The following PKHD1 variants were observed in gnomAD, a reference collection of about 807,000 sequenced individuals.
PKHD1 encodes PKHD1 ciliary IPT domain containing fibrocystin/polyductin, also known as fibrocystin.
PKHD1 carries 291 observed loss-of-function variants against 412.0 expected under a neutral mutation model. That is an observed-to-expected ratio of 0.71 (90% CI 0.64 to 0.78). PKHD1 has a LOEUF of 0.78. Among genes scored for constraint, PKHD1 ranks in the 30% least tolerant of loss-of-function variants. The pLI is 0.00. For synonymous variants in PKHD1, 1,777 were observed against 1,821.5 expected (o/e 0.98, Z 0.62); for missense variants, 4,825 against 4,950.7 (o/e 0.97, Z 0.76).
At position 51,755,943 on chromosome 6, in the gene PKHD1, CTGT is replaced by C. The variant is rs1202722442; in HGVS notation, c.8643-1008_8643-1006del. On this transcript the variant is annotated intron_variant, in intron 55 of 66. Coordinates refer to ENST00000371117, the MANE Select transcript of PKHD1 (RefSeq NM_138694.4). Reference sequence around the variant, plus strand: ...CTAGCACATATCTTTAAAGAGTCTACTGTATGGGTGTGTATTACACAGTATTCT... The same window carrying C: ...CTAGCACATATCTTTAAAGAGTCTACATGGGTGTGTATTACACAGTATTCT... 2.5e-3 allele frequency among the ~76,000 whole-genome samples: 375 copies of C among 152,140 alleles called. 1 individual carries two copies. Among genetic ancestry groups the C allele is most frequent in the African/African-American group, 8.6e-3 (356 of 41,512 alleles).
In PKHD1 at chr6:52,063,419, G is replaced by A. The variant is rs558924868; in HGVS notation, c.977-759C>T. The stretch of plus-strand genomic sequence containing the variant: ...TAGCAATAATACACTAGGACCAAGG[G>A]AAAATATATACTCAAAGAGCCTGGA... On this transcript the variant is annotated intron_variant, in intron 13 of 66. Coordinates refer to ENST00000371117, the MANE Select transcript of PKHD1 (RefSeq NM_138694.4). Among the ~76,000 whole-genome samples, 4 of 152,172 alleles carry A rather than the reference G, an allele frequency of 2.6e-5. 1 individual carries two copies. Among genetic ancestry groups the A allele is most frequent in the South Asian group, 4.2e-4 (2 of 4,806 alleles).
At position 51,748,513 on chromosome 6, in the gene PKHD1, C is replaced by T; in HGVS notation, c.9103G>A (p.Gly3035Arg). 2 of 1,613,870 alleles carry T rather than the reference C, an allele frequency of 1.2e-6. No homozygotes were observed. The highest frequency in any genetic ancestry group is 2.2e-5 in the South Asian group (2 of 91,074). The change falls in exon 58 of 67, where the codon GGA becomes AGA. Residue 3035 changes from glycine to arginine, a missense_variant. Coordinates refer to ENST00000371117, the MANE Select transcript of PKHD1 (RefSeq NM_138694.4). ...ACAATATTGTCATTTAAAAGTACTCCATGACTGGCAGCTGCATGAATGCCC... is the reference window on the plus strand; with the variant it reads ...ACAATATTGTCATTTAAAAGTACTCTATGACTGGCAGCTGCATGAATGCCC... The part of the protein sequence containing the change: ...GGGIHAAASH[G>R]VLLNDNIVFG...
At chr6:51,730,299 T>C (rs1783084776) in intron 60 of PKHD1, among the ~76,000 whole-genome samples, 1 of 152,176 alleles carries the variant, frequency 6.6e-6, no homozygotes, top group Admixed American at 6.5e-5. Flanking sequence ...CCTGTAACTC[T>C]AAATAACGTC....
At chr6:51,848,421 A>C (rs544563471) in intron 49 of PKHD1, among the ~76,000 whole-genome samples, 3 of 152,308 alleles carry the variant, frequency 2.0e-5, no homozygotes, top group Non-Finnish European at 4.4e-5. Flanking sequence ...AGCATTTACT[A>C]TGCAATCAGC....
At chr6:51,798,641 C>T (rs148208897) in intron 52 of PKHD1, among the ~76,000 whole-genome samples, 4 of 152,152 alleles carry the variant, frequency 2.6e-5, no homozygotes, top group South Asian at 2.1e-4. Flanking sequence ...TGGGGTTCTC[C>T]GCATTTCCTG....
Position 51,615,455 on chromosome 6 carries a change from C to A in PKHD1, c.*3626G>T, listed in dbSNP as rs772669515. On this transcript the variant is annotated 3_prime_UTR_variant, in exon 67 of 67. Coordinates refer to ENST00000371117, the MANE Select transcript of PKHD1 (RefSeq NM_138694.4). ...AAAGTGCTATAGTGTATGTTGAAAT[C>A]AACAGTTCTATACTCAATAGTATTT... is the stretch of plus-strand genomic sequence containing the variant. The A allele has an allele frequency of 2.0e-5, 3 of 152,086 alleles. No homozygotes were observed. Among genetic ancestry groups the A allele is most frequent in the Non-Finnish European group, 4.4e-5 (3 of 68,008 alleles). The allele number at this position is 152,086 out of a possible 1,614,324, so 9.4% of individuals were successfully genotyped here. A position where few individuals can be genotyped will look rare whatever the true frequency, so the allele number is the denominator to read the frequency against.
intron 50 of PKHD1, among the ~76,000 whole-genome samples, chr6:51,836,815 T>C (rs1313942270): frequency 6.6e-6 from 1 of 152,220 alleles, no homozygotes; most frequent in African/African-American, 2.4e-5. Context: ...CATCATTTTG[T>C]AGGCTCAGCT....
chr6:51,777,585 C>T (rs12192785), intron 53 of PKHD1, among the ~76,000 whole-genome samples: 1 of 146,578 alleles, frequency 6.8e-6, no homozygotes, highest in African/African-American at 2.5e-5. Context: ...ATGTGTATGG[C>T]GTAGCTGTTA....
chr6:51,818,499 C>T (rs904761259), intron 52 of PKHD1, among the ~76,000 whole-genome samples: 2 of 152,172 alleles, frequency 1.3e-5, no homozygotes, highest in African/African-American at 4.8e-5. Flanking sequence ...TCTCTGTTAT[C>T]TCTGAGCTCT....
chr6:51,959,464 C>T (rs1791660794), intron 36 of PKHD1, among the ~76,000 whole-genome samples: 1 of 151,992 alleles, frequency 6.6e-6, no homozygotes, highest in Non-Finnish European at 1.5e-5. Flanking sequence ...AAGTCAAAAC[C>T]ACAACAGGGT....
At chr6:51,890,403 C>G (rs886997127) in intron 43 of PKHD1, among the ~76,000 whole-genome samples, 1 of 148,410 alleles carries the variant, frequency 6.7e-6, no homozygotes, top group Non-Finnish European at 1.5e-5. Context: ...TTTGCTGTGG[C>G]CTCCCCAGTA....
intron 14 of PKHD1, among the ~76,000 whole-genome samples, chr6:52,061,251 T>C (rs563219829): frequency 2.6e-5 from 4 of 152,170 alleles, no homozygotes; most frequent in Non-Finnish European, 5.9e-5. Context: ...AGTGCAGTGG[T>C]GTGATCATGG....
intron 54 of PKHD1, among the ~76,000 whole-genome samples, chr6:51,774,153 A>G (rs191487118): frequency 1.8e-4 from 27 of 152,110 alleles, no homozygotes; most frequent in African/African-American, 6.3e-4. Context: ...AATTGACCAG[A>G]AAAGCAGATT....
rs747308325 is a variant in PKHD1, at chr6:51,856,045, C to A, written c.7759G>T (p.Asp2587Tyr). 6.2e-7 allele frequency: 1 copy of A among 1,604,096 alleles called. No individual in the cohort carries two copies. The highest frequency in any genetic ancestry group is 1.1e-5 in the South Asian group (1 of 90,686). The change falls in exon 49 of 67, where the codon GAT (aspartate) becomes TAT (tyrosine). Residue 2587 changes from aspartate (D) to tyrosine (Y), a missense_variant. Transcript: ENST00000371117. Reference protein sequence around the residue: ...GLANTPEVSYDLTMTDSRNKT... With the variant: ...GLANTPEVSYYLTMTDSRNKT... The stretch of plus-strand genomic sequence containing the variant: ...TTTCTGCTGTCAGTCATGGTTAAAT[C>A]ATAAGAAACTTCAGGAGTATTCGCT...
intron 60 of PKHD1, chr6:51,682,186 C>T: frequency 2.2e-6 from 1 of 455,350 alleles, no homozygotes; most frequent in Non-Finnish European, 4.4e-6. Flanking sequence ...ATACTATCTC[C>T]TGCTTCAGGG....
At chr6:51,638,348 G>T (rs958064064) in intron 64 of PKHD1, among the ~76,000 whole-genome samples, 11 of 151,966 alleles carry the variant, frequency 7.2e-5, no homozygotes, top group Non-Finnish European at 2.9e-5. Context: ...CATTTAATAC[G>T]CCAGAGGGTG....
chr6:51,902,718 A>T (rs1369777213), intron 43 of PKHD1, among the ~76,000 whole-genome samples: 1 of 152,188 alleles, frequency 6.6e-6, no homozygotes, highest in Non-Finnish European at 1.5e-5. Context: ...TAATTAGAAA[A>T]GGGGAAATGA....
intron 14 of PKHD1, among the ~76,000 whole-genome samples, chr6:52,060,777 T>A (rs2128216835): frequency 6.6e-6 from 1 of 152,284 alleles, no homozygotes; most frequent in Admixed American, 6.5e-5. Flanking sequence ...GTACATACAT[T>A]ATCTTTATTT....
At chr6:51,903,493 C>T (rs1303349868) in intron 43 of PKHD1, 104 bp downstream of exon 43, 4 of 927,826 alleles carry the variant, frequency 4.3e-6, no homozygotes, top group South Asian at 3.9e-5. Context: ...GGCAATTATT[C>T]TTCCAATGTG....
Sources: allele counts gnomAD v4.1 joint callset (sites outside exome capture counted in the v4.1 genomes callset), GRCh38; gene constraint gnomAD v4.1.1; transcripts MANE v1.5; gene names NCBI Gene and HGNC (gene_info 2026-07-23, HGNC 2026-07-21).